KCNH7: variants seen among roughly 807,000 people sequenced by gnomAD.
KCNH7 encodes the protein voltage-gated inwardly rectifying potassium channel KCNH7.
KCNH7 carries 49 observed loss-of-function variants against 120.8 expected under a neutral mutation model. The ratio of observed to expected loss-of-function variants is 0.41; its 90% CI spans 0.32 to 0.51. KCNH7 has a LOEUF of 0.51. Ranked by LOEUF, KCNH7 falls within the 20% of genes least tolerant of loss-of-function variation. KCNH7 has a pLI of 0.38. For synonymous variants in KCNH7, 547 were observed against 516.1 expected, an observed-to-expected ratio of 1.06 and a Z score of -0.81; for missense variants, 1,097 against 1,446.6, an observed-to-expected ratio of 0.76 and a Z score of 3.92.
intron 2 of KCNH7, among the ~76,000 whole-genome samples, chr2:162,807,722 G>A (rs192880226): frequency 2.1e-4 from 32 of 151,646 alleles, no homozygotes; most frequent in South Asian, 8.3e-4. Context: ...TTGCTCTGTC[G>A]CCCAGACTGG....
At chr2:162,451,272 A>G (rs185525728) in intron 6 of KCNH7, among the ~76,000 whole-genome samples, 127 of 152,180 alleles carry the variant, frequency 8.3e-4, no homozygotes, top group African/African-American at 3.0e-3. Flanking sequence ...AGATGCATAA[A>G]ATATTTTCAT....
At chr2:162,722,052 C>G (rs1687338970) in intron 2 of KCNH7, among the ~76,000 whole-genome samples, 2 of 151,928 alleles carry the variant, frequency 1.3e-5, no homozygotes, top group African/African-American at 2.4e-5. Context: ...GGTCAGCATT[C>G]AACATTTCAC....
chr2:162,489,503 A>T (rs1305979224), intron 6 of KCNH7, among the ~76,000 whole-genome samples: 1 of 152,216 alleles, frequency 6.6e-6, no homozygotes, highest in Non-Finnish European at 1.5e-5. Context: ...GGACTAGATA[A>T]TAGAATATAT....
At chr2:162,828,081 T>C (rs1372416235) in intron 2 of KCNH7, among the ~76,000 whole-genome samples, 1 of 152,112 alleles carries the variant, frequency 6.6e-6, no homozygotes, top group African/African-American at 2.4e-5. Flanking sequence ...AAACAGATAG[T>C]GTATATAGAC....
At position 162,458,592 on chromosome 2, in the gene KCNH7, G is replaced by A. The variant is rs555729380; in HGVS notation, c.1129-12149C>T. Among the ~76,000 whole-genome samples the A allele has an allele frequency of 5.3e-5, 8 of 152,130 alleles. No individual in the cohort carries two copies. In the South Asian group the frequency reaches 1.7e-3, roughly 32 times the overall value. Reference sequence around the variant, plus strand: ...CCATTTTCTTTATCTTTGTCTTAAAGTTGCTTTCATTTAGAAAATAAGTAA... The same window carrying A: ...CCATTTTCTTTATCTTTGTCTTAAAATTGCTTTCATTTAGAAAATAAGTAA... On this transcript the variant is annotated intron_variant, in intron 6 of 15. Coordinates refer to ENST00000332142, the MANE Select transcript of KCNH7 (RefSeq NM_033272.4).
chr2:162,479,582 A>G (rs756928796), intron 6 of KCNH7, among the ~76,000 whole-genome samples: 1 of 152,106 alleles, frequency 6.6e-6, no homozygotes, highest in African/African-American at 2.4e-5. Context: ...GCATACTCAT[A>G]AGATGAAAAG....
At chr2:162,560,120 C>A (rs1054733124) in intron 2 of KCNH7, among the ~76,000 whole-genome samples, 1 of 152,170 alleles carries the variant, frequency 6.6e-6, no homozygotes, top group Non-Finnish European at 1.5e-5. Context: ...ATAATTCTTG[C>A]GTGGCAACTA....
chr2:162,463,376 C>T (rs1379049677), intron 6 of KCNH7, among the ~76,000 whole-genome samples: 1 of 151,496 alleles, frequency 6.6e-6, no homozygotes, highest in African/African-American at 2.4e-5. Context: ...CTTTTTTTCT[C>T]CTTCCACAAT....
chr2:162,573,193 G>A (rs1693552029), intron 2 of KCNH7, among the ~76,000 whole-genome samples: 1 of 151,990 alleles, frequency 6.6e-6, no homozygotes, highest in African/African-American at 2.4e-5. Flanking sequence ...ACTTAAAAAT[G>A]TAAATAGGAT....
intron 2 of KCNH7, among the ~76,000 whole-genome samples, chr2:162,625,669 T>C (rs1683528651): frequency 6.6e-6 from 1 of 152,202 alleles, no homozygotes; most frequent in African/African-American, 2.4e-5. Context: ...CAGGGTTTTG[T>C]TGCCTAGCTT....
intron 4 of KCNH7, 91 bp downstream of exon 4, chr2:162,517,639 C>T: frequency 2.7e-6 from 3 of 1,111,892 alleles, no homozygotes; most frequent in Admixed American, 5.1e-5. Context: ...CCCCAATGCA[C>T]AGAGATTATT....
In KCNH7 at chr2:162,428,858, G is replaced by C. The variant is rs1687960329; in HGVS notation, c.1955-5323C>G. ...ATTTTCTTATGATTAGGATTTGTAT[G>C]AACATTCTTTTTAATTTTTTTTACT... On this transcript the variant is annotated intron_variant, in intron 8 of 15. Transcript: ENST00000332142. Among the ~76,000 whole-genome samples, 3 of 151,724 alleles carry C rather than the reference G, an allele frequency of 2.0e-5. No homozygotes were observed. In the South Asian group the frequency reaches 6.2e-4, roughly 31 times the overall value.
chr2:162,413,455 C>A (rs1288384970), intron 9 of KCNH7, among the ~76,000 whole-genome samples: 3 of 152,028 alleles, frequency 2.0e-5, no homozygotes, highest in Admixed American at 1.3e-4. Context: ...ACTGAGTGGA[C>A]AAATAGAGCA....
At chr2:162,620,159 T>G (rs1437344587) in intron 2 of KCNH7, among the ~76,000 whole-genome samples, 1 of 149,776 alleles carries the variant, frequency 6.7e-6, no homozygotes. Flanking sequence ...TAGATATATA[T>G]ATAGAGAGAG....
intron 2 of KCNH7, among the ~76,000 whole-genome samples, chr2:162,654,694 C>G (rs1003207600): frequency 1.3e-5 from 2 of 152,086 alleles, no homozygotes; most frequent in Non-Finnish European, 2.9e-5. Context: ...GATATCTGCA[C>G]TCCCTTGGTC....
rs182834164 is a variant in KCNH7 at position 162,482,254 on chromosome 2, A to G, written c.1128+22189T>C. ...AAGAGGATGGCAATAGGTCTAGTCT[A>G]GGAATTGCTGCAAGCAAATTTCCAA... On this transcript the variant is annotated intron_variant, in intron 6 of 15. Coordinates refer to ENST00000332142, the MANE Select transcript of KCNH7 (RefSeq NM_033272.4). Among the ~76,000 whole-genome samples, 78 of 152,328 alleles carry G rather than the reference A, an allele frequency of 5.1e-4. No homozygotes were observed. In the East Asian group the frequency reaches 0.015, roughly 29 times the overall value.
At position 162,445,118 on chromosome 2, in the gene KCNH7, C is replaced by A. The variant is rs548089509; in HGVS notation, c.1554+900G>T. ...GATTTAGAAATAAAATCTTTTGGTT[C>A]CCCTTGGTCGAGGAGGATTATGTTG... is the stretch of plus-strand genomic sequence containing the variant. On this transcript the variant is annotated intron_variant, in intron 7 of 15. Coordinates refer to ENST00000332142, the MANE Select transcript of KCNH7 (RefSeq NM_033272.4). 4.6e-5 allele frequency among the ~76,000 whole-genome samples: 7 copies of A among 152,164 alleles called. No homozygotes were observed. In the South Asian group the frequency reaches 1.5e-3, roughly 32 times the overall value.
Position 162,420,039 on chromosome 2 carries a change from T to C in KCNH7, c.2154+3297A>G. Among the ~76,000 whole-genome samples, 3 of 152,250 alleles carry C rather than the reference T, an allele frequency of 2.0e-5. No homozygotes were observed. The South Asian group carries it at 6.2e-4, about 32-fold the overall frequency. ...TTCCAGAATTAACTTCTGCACATCT[T>C]TCAAATACTTTTTGCTATTCCTAAT... is the stretch of plus-strand genomic sequence containing the variant. On this transcript the variant is annotated intron_variant, in intron 9 of 15. Transcript: ENST00000332142.
chr2:162,798,847 T>C (rs764977408), intron 2 of KCNH7, among the ~76,000 whole-genome samples: 4 of 152,034 alleles, frequency 2.6e-5, no homozygotes, highest in Non-Finnish European at 4.4e-5. Flanking sequence ...ACACTATGAA[T>C]GAAAAGCGAC....
Sources: gnomAD v4.1 joint callset for allele counts (sites outside exome capture counted in the v4.1 genomes callset) on GRCh38, gnomAD v4.1.1 for gene constraint, MANE v1.5 for transcripts, NCBI Gene and HGNC (gene_info 2026-07-23, HGNC 2026-07-21) for gene names.